SV2C: variants seen among roughly 807,000 people sequenced by gnomAD.
SV2C encodes the protein synaptic vesicle glycoprotein 2C, also known as solute carrier family 22 member B3.
A neutral mutation model predicts 79.7 loss-of-function variants in SV2C; 49 were observed. That is an observed-to-expected ratio of 0.61 (90% CI 0.49 to 0.78). SV2C has a LOEUF of 0.78. Ranked by LOEUF, SV2C falls within the 30% of genes least tolerant of loss-of-function variation. The probability of loss-of-function intolerance (pLI) is 0.00; values close to 1 mark genes in which losing one functional copy is unlikely to be tolerated. For synonymous variants in SV2C, 334 were observed against 333.2 expected (o/e 1.00, Z -0.03); for missense variants, 833 against 912.9 (o/e 0.91, Z 1.13).
At chr5:76,112,256 A>G (rs1748117769) in intron 1 of SV2C, among the ~76,000 whole-genome samples, 1 of 152,188 alleles carries the variant, frequency 6.6e-6, no homozygotes, top group East Asian at 1.9e-4. Flanking sequence ...GGGCATGGTG[A>G]TGTGAGGCAC....
At chr5:76,226,982 G>T (rs2112390038) in intron 4 of SV2C, among the ~76,000 whole-genome samples, 2 of 152,262 alleles carry the variant, frequency 1.3e-5, no homozygotes, top group South Asian at 4.1e-4. Context: ...GAGAGAAAGA[G>T]CTTGGTTTCA....
intron 4 of SV2C, among the ~76,000 whole-genome samples, chr5:76,227,377 G>T (rs1210618430): frequency 6.6e-6 from 1 of 152,176 alleles, no homozygotes; most frequent in African/African-American, 2.4e-5. Flanking sequence ...CATAGAGAAA[G>T]AAAAGCTGTA....
the SV2C span, among the ~76,000 whole-genome samples, chr5:75,919,455 C>A: frequency 6.6e-6 from 1 of 152,206 alleles, no homozygotes; most frequent in Non-Finnish European, 1.5e-5. Flanking sequence ...AAATGCAATT[C>A]TTTCCCAGGA....
chr5:76,172,302 A>G (rs1193002627), intron 2 of SV2C, among the ~76,000 whole-genome samples: 9 of 54,574 alleles, frequency 1.6e-4, no homozygotes, highest in Admixed American at 2.6e-4. Context: ...GGGGGGGGTC[A>G]GCCCCCCCGC....
At chr5:76,237,989 C>CACACACACAT (rs371688116) in intron 4 of SV2C, among the ~76,000 whole-genome samples, 2,766 of 150,012 alleles carry the variant, frequency 0.018, 44 homozygotes, top group Non-Finnish European at 0.027. Flanking sequence ...CACACACACA[C>CACACACACAT]ACATACATAC....
At chr5:75,883,828 A>G in the SV2C span, among the ~76,000 whole-genome samples, 1 of 148,052 alleles carries the variant, frequency 6.8e-6, no homozygotes, top group Non-Finnish European at 1.5e-5. Context: ...CCTAAAATTT[A>G]AAGTATAATA....
chr5:76,342,889 T>C (rs893492968), intron 12 of SV2C, among the ~76,000 whole-genome samples: 2 of 148,864 alleles, frequency 1.3e-5, no homozygotes, highest in Admixed American at 6.7e-5. Context: ...TCTCTCTCTT[T>C]TTTTTTTTTT....
chr5:75,883,691 G>A, the SV2C span, among the ~76,000 whole-genome samples: 1 of 112,606 alleles, frequency 8.9e-6, no homozygotes, highest in Non-Finnish European at 1.7e-5. Flanking sequence ...CTGTTGTGGG[G>A]TGGGGGGAGG....
the SV2C span, among the ~76,000 whole-genome samples, chr5:75,897,858 G>T: frequency 6.6e-6 from 1 of 151,896 alleles, no homozygotes; most frequent in Non-Finnish European, 1.5e-5. Context: ...CTCATGATTT[G>T]GCTCTCTGTT....
the SV2C span, among the ~76,000 whole-genome samples, chr5:75,947,414 G>T: frequency 6.6e-6 from 1 of 150,536 alleles, no homozygotes; most frequent in East Asian, 1.9e-4. Context: ...TTCTCTATCT[G>T]CCCCCCTTGG....
At chr5:75,944,612 G>A in the SV2C span, among the ~76,000 whole-genome samples, 2 of 152,056 alleles carry the variant, frequency 1.3e-5, no homozygotes, top group Admixed American at 6.6e-5. Flanking sequence ...AGTGGAGAAG[G>A]GTTTCATGGA....
chr5:76,095,397 A>G (rs908030741), intron 1 of SV2C, among the ~76,000 whole-genome samples: 1 of 152,116 alleles, frequency 6.6e-6, no homozygotes. Context: ...GTTTCTTCTT[A>G]TGTCAGCTTT....
At chr5:75,880,705 C>A in the SV2C span, among the ~76,000 whole-genome samples, 1 of 152,172 alleles carries the variant, frequency 6.6e-6, no homozygotes, top group African/African-American at 2.4e-5. Flanking sequence ...ATCTTCTTTT[C>A]TTCTTCTGAG....
intron 1 of SV2C, among the ~76,000 whole-genome samples, chr5:76,122,317 CAG>C (rs1475164977): frequency 5.3e-5 from 8 of 151,412 alleles, no homozygotes; most frequent in African/African-American, 1.5e-4. Flanking sequence ...CGTCTGCAAA[CAG>C]GGACAATTTG....
the SV2C span, among the ~76,000 whole-genome samples, chr5:75,856,034 A>G: frequency 6.6e-6 from 1 of 152,196 alleles, no homozygotes; most frequent in Non-Finnish European, 1.5e-5. Context: ...AATGAGTCTG[A>G]ACGTGTAAGT....
At chr5:75,991,590 CAT>C in the SV2C span, among the ~76,000 whole-genome samples, 38 of 144,324 alleles carry the variant, frequency 2.6e-4, no homozygotes, top group African/African-American at 6.9e-4. Context: ...TATATACACA[CAT>C]ATATATATAT....
chr5:76,150,363 A>G (rs1321050226), intron 2 of SV2C, among the ~76,000 whole-genome samples: 1 of 151,972 alleles, frequency 6.6e-6, no homozygotes. Flanking sequence ...TTTTTAGTAG[A>G]GATGGGGTTT....
intron 1 of SV2C, among the ~76,000 whole-genome samples, chr5:76,102,419 C>A (rs571921763): frequency 6.6e-6 from 1 of 152,294 alleles, no homozygotes; most frequent in African/African-American, 2.4e-5. Flanking sequence ...ACCTTAGGCA[C>A]CCTTCCAATG....
chr5:76,278,647 T>C (rs1747092673), intron 4 of SV2C, among the ~76,000 whole-genome samples: 1 of 152,240 alleles, frequency 6.6e-6, no homozygotes, highest in South Asian at 2.1e-4. Context: ...TTAAGCTCTA[T>C]GTTCAGAGAA....
Sources: gnomAD v4.1 joint callset for allele counts (sites outside exome capture counted in the v4.1 genomes callset) on GRCh38, gnomAD v4.1.1 for gene constraint, MANE v1.5 for transcripts, NCBI Gene and HGNC (gene_info 2026-07-23, HGNC 2026-07-21) for gene names.